The following SUPT3H variants were observed in gnomAD, a reference collection of about 807,000 sequenced individuals.
SUPT3H encodes the protein SPT3 homolog, SAGA and STAGA complex component, also known as transcription initiation protein SPT3 homolog.
In SUPT3H, 44 loss-of-function variants were observed where a neutral mutation model predicts 44.3. That is an observed-to-expected ratio of 0.99 (90% confidence interval 0.78 to 1.28). The LOEUF is 1.28. Among genes scored for constraint, SUPT3H ranks in the 50% most tolerant of loss-of-function variants. The probability of loss-of-function intolerance (pLI) is 0.00; values close to 1 mark genes in which losing one functional copy is unlikely to be tolerated. For synonymous variants in SUPT3H, 124 were observed against 125.6 expected, an observed-to-expected ratio of 0.99 and a Z score of 0.09; for missense variants, 380 against 387.1, an observed-to-expected ratio of 0.98 and a Z score of 0.15.
At chr6:45,067,639 A>C (rs1476366217) in intron 3 of SUPT3H, among the ~76,000 whole-genome samples, 4 of 151,716 alleles carry the variant, frequency 2.6e-5, no homozygotes, top group Admixed American at 1.3e-4. Context: ...AACCCCATCA[A>C]AAAGTGGGCG....
At chr6:44,946,583 T>C (rs1773385554) in intron 9 of SUPT3H, among the ~76,000 whole-genome samples, 1 of 152,316 alleles carries the variant, frequency 6.6e-6, no homozygotes, top group African/African-American at 2.4e-5. Context: ...GTGGTATAAA[T>C]GGCAGGAGAA....
intron 6 of SUPT3H, among the ~76,000 whole-genome samples, chr6:44,991,509 T>TTTTATTTA (rs71799934): frequency 6.6e-6 from 1 of 150,716 alleles, no homozygotes; most frequent in Non-Finnish European, 1.5e-5. Context: ...CCAAAATTCT[T>TTTTATTTA]TTTATTTATT....
At chr6:44,881,678 A>T (rs1337539987) in intron 10 of SUPT3H, among the ~76,000 whole-genome samples, 2 of 152,224 alleles carry the variant, frequency 1.3e-5, no homozygotes, top group Non-Finnish European at 2.9e-5. Context: ...CGGAAATCAT[A>T]AACAGCCTCT....
intron 9 of SUPT3H, among the ~76,000 whole-genome samples, chr6:44,937,028 T>C (rs1771551494): frequency 6.6e-6 from 1 of 152,154 alleles, no homozygotes; most frequent in African/African-American, 2.4e-5. Context: ...TCTTTACCTA[T>C]TCATCTGTTG....
chr6:45,206,120 C>CATGT (rs1459636847), intron 2 of SUPT3H, among the ~76,000 whole-genome samples: 1 of 151,942 alleles, frequency 6.6e-6, no homozygotes, highest in Non-Finnish European at 1.5e-5. Flanking sequence ...AAGCACCTAC[C>CATGT]ATGTGTGAGA....
Position 44,994,347 on chromosome 6 carries a change from G to A in SUPT3H, c.504+9306C>T, listed in dbSNP as rs925279145. On this transcript the variant is annotated intron_variant, in intron 6 of 10. Coordinates refer to ENST00000371459, the MANE Select transcript of SUPT3H (RefSeq NM_003599.4). ...AAAGATTTGCATTCATTTTTACCACGTTGTGTCTTAGAGAAAACTTCCTAG... is the reference window on the plus strand; with the variant it reads ...AAAGATTTGCATTCATTTTTACCACATTGTGTCTTAGAGAAAACTTCCTAG... Among the ~76,000 whole-genome samples, 5 of 152,086 alleles carry A rather than the reference G, an allele frequency of 3.3e-5. No individual in the cohort carries two copies. The South Asian group carries it at 1.0e-3, about 31-fold the overall frequency.
chr6:45,061,716 T>C (rs1792070983), intron 3 of SUPT3H, among the ~76,000 whole-genome samples: 1 of 71,010 alleles, frequency 1.4e-5, no homozygotes, highest in South Asian at 6.0e-4. Context: ...ATGTGTATAG[T>C]TCTAAAATCC....
At chr6:44,950,452 T>C (rs1386234126) in intron 9 of SUPT3H, among the ~76,000 whole-genome samples, 5 of 152,166 alleles carry the variant, frequency 3.3e-5, no homozygotes, top group East Asian at 1.9e-4. Flanking sequence ...TTCTTCATAA[T>C]GTATTTTAAA....
intron 2 of SUPT3H, among the ~76,000 whole-genome samples, chr6:45,222,317 C>T (rs144043343): frequency 6.6e-6 from 1 of 152,090 alleles, no homozygotes; most frequent in African/African-American, 2.4e-5. Context: ...AACTACAAAC[C>T]GTAAGGAAAA....
At chr6:45,284,881 A>C (rs1778926179) in intron 2 of SUPT3H, among the ~76,000 whole-genome samples, 1 of 152,194 alleles carries the variant, frequency 6.6e-6, no homozygotes, top group African/African-American at 2.4e-5. Context: ...GTGCATCAAA[A>C]AGCTTATCCA....
At chr6:45,062,975 T>C (rs1194067834) in intron 3 of SUPT3H, among the ~76,000 whole-genome samples, 1 of 151,684 alleles carries the variant, frequency 6.6e-6, no homozygotes, top group African/African-American at 2.4e-5. Context: ...CAAGGAGACC[T>C]GCCTGCCTCT....
At chr6:45,179,249 CAA>C (rs1424923945) in intron 2 of SUPT3H, among the ~76,000 whole-genome samples, 1 of 152,118 alleles carries the variant, frequency 6.6e-6, no homozygotes, top group African/African-American at 2.4e-5. Context: ...GCTTACCAAC[CAA>C]AAAGAGTCCA....
At chr6:45,229,182 T>C (rs1048791952) in intron 2 of SUPT3H, among the ~76,000 whole-genome samples, 3 of 152,136 alleles carry the variant, frequency 2.0e-5, no homozygotes, top group Admixed American at 1.3e-4. Flanking sequence ...ACTTACTGGT[T>C]TGGGTTTTTT....
chr6:45,059,191 A>C (rs1791585770), intron 3 of SUPT3H, among the ~76,000 whole-genome samples: 1 of 152,142 alleles, frequency 6.6e-6, no homozygotes, highest in Non-Finnish European at 1.5e-5. Flanking sequence ...ATCCTCAATA[A>C]AGTACTGGCA....
Position 45,138,287 on chromosome 6 carries a change from T to C in SUPT3H, c.102-32281A>G, listed in dbSNP as rs77325052. ...ATGATATAGCTATTTTGGAGAACAG[T>C]TGGACATTTTCTTAATATGTTAAAC... On this transcript the variant is annotated intron_variant, in intron 2 of 10. Transcript: ENST00000371459. 1.6e-3 allele frequency among the ~76,000 whole-genome samples: 248 copies of C among 152,220 alleles called. 2 individuals carry two copies. The highest frequency in any genetic ancestry group is 5.6e-3 in the African/African-American group (231 of 41,554).
Position 44,828,639 on chromosome 6 carries a change from C to CTTTCT in SUPT3H, c.*1172_*1176dup, listed in dbSNP as rs1371965109. ...TTGGGTGAAGGGAGAACTATTTCTACTTTCTTTACCCTTAAATCTAGGAAG... is the reference window on the plus strand; with the variant it reads ...TTGGGTGAAGGGAGAACTATTTCTACTTTCTTTTCTTTACCCTTAAATCTAGGAAG... On this transcript the variant is annotated 3_prime_UTR_variant, in exon 11 of 11. Coordinates refer to ENST00000371459, the MANE Select transcript of SUPT3H (RefSeq NM_003599.4). The CTTTCT allele has an allele frequency of 6.6e-6, 1 of 152,146 alleles. No individual in the cohort carries two copies. The highest frequency in any genetic ancestry group is 2.4e-5 in the African/African-American group (1 of 41,440). 9.4% of individuals were successfully genotyped at this position (152,146 alleles called of 1,614,324 possible). A position where few individuals can be genotyped will look rare whatever the true frequency, so the allele number is the denominator to read the frequency against.
At chr6:45,090,010 G>A (rs1427671562) in intron 3 of SUPT3H, among the ~76,000 whole-genome samples, 2 of 151,942 alleles carry the variant, frequency 1.3e-5, no homozygotes, top group Non-Finnish European at 2.9e-5. Context: ...AAGAAACATT[G>A]CTCATACAAC....
chr6:45,179,408 G>T (rs372277040), intron 2 of SUPT3H, among the ~76,000 whole-genome samples: 43 of 152,086 alleles, frequency 2.8e-4, no homozygotes, highest in Admixed American at 8.5e-4. Context: ...TACCAAAGCC[G>T]GGCAGAGACA....
Position 44,828,188 on chromosome 6 carries a change from TA to T in SUPT3H, c.*1627del, listed in dbSNP as rs1180377252. ...ACAATAAATGCTATCGTTTAAAAGTTAAGTTAAGTTAGGATGTTTACTGCAA... is the reference window on the plus strand; with the variant it reads ...ACAATAAATGCTATCGTTTAAAAGTTAGTTAAGTTAGGATGTTTACTGCAA... On this transcript the variant is annotated 3_prime_UTR_variant, in exon 11 of 11. Coordinates refer to ENST00000371459, the MANE Select transcript of SUPT3H (RefSeq NM_003599.4). Among the ~76,000 whole-genome samples, 1 of 52,326 alleles carries T rather than the reference TA, an allele frequency of 1.9e-5. No individual in the cohort carries two copies. Among genetic ancestry groups the T allele is most frequent in the Non-Finnish European group, 4.6e-5 (1 of 21,872 alleles). 34.3% of individuals were successfully genotyped at this position (52,326 alleles called of 152,430 possible).
Sources: gnomAD v4.1 joint callset for allele counts (sites outside exome capture counted in the v4.1 genomes callset) on GRCh38, gnomAD v4.1.1 for gene constraint, MANE v1.5 for transcripts, NCBI Gene and HGNC (gene_info 2026-07-23, HGNC 2026-07-21) for gene names.